The following PRKAR1B variants were observed in gnomAD, a reference collection of about 807,000 sequenced individuals.
PRKAR1B encodes the protein cAMP-dependent protein kinase type I-beta regulatory subunit.
A neutral mutation model predicts 46.5 loss-of-function variants in PRKAR1B; 22 were observed. The ratio of observed to expected loss-of-function variants is 0.47; its 90% confidence interval spans 0.34 to 0.68. PRKAR1B has a LOEUF of 0.68. PRKAR1B is among the 30% of genes least tolerant of loss of function. The probability of loss-of-function intolerance (pLI) is 0.01; values close to 1 mark genes in which losing one functional copy is unlikely to be tolerated. For synonymous variants in PRKAR1B, 259 were observed against 217.7 expected, an observed-to-expected ratio of 1.19 and a Z score of -1.67; for missense variants, 445 against 535.6, an observed-to-expected ratio of 0.83 and a Z score of 1.67.
chr7:723,299 T>C (rs950413824), intron 1 of PRKAR1B, among the ~76,000 whole-genome samples: 1 of 152,148 alleles, frequency 6.6e-6, no homozygotes, highest in African/African-American at 2.4e-5. Context: ...CTGTTGGGCG[T>C]CCCCTTTCCC....
intron 7 of PRKAR1B, among the ~76,000 whole-genome samples, chr7:591,310 G>T (rs771230475): frequency 2.5e-4 from 38 of 152,380 alleles, no homozygotes; most frequent in Non-Finnish European, 4.1e-4. Context: ...TGGGGGCTCT[G>T]CAGTGTGTCT....
intron 4 of PRKAR1B, among the ~76,000 whole-genome samples, chr7:619,992 A>G (rs995766168): frequency 2.7e-5 from 4 of 149,310 alleles, no homozygotes. Flanking sequence ...CTGGGCCTAC[A>G]GGCACATGCC....
chr7:721,164 G>A (rs1181656176), intron 1 of PRKAR1B, among the ~76,000 whole-genome samples: 3 of 152,126 alleles, frequency 2.0e-5, no homozygotes, highest in East Asian at 3.8e-4. Context: ...CCTTCTCACT[G>A]TTAAATACCT....
At chr7:675,802 C>T (rs1388455698) in intron 4 of PRKAR1B, among the ~76,000 whole-genome samples, 4 of 152,152 alleles carry the variant, frequency 2.6e-5, no homozygotes, top group South Asian at 2.1e-4. Context: ...AAAAATTAGC[C>T]GGGCGTGGTG....
Position 680,716 on chromosome 7 carries a change from C to A in PRKAR1B, c.188G>T (p.Arg63Met). Residue 63 changes from arginine (R) to methionine (M), a missense_variant, in exon 3 of 11, where the codon AGG becomes ATG. Coordinates refer to ENST00000537384, the MANE Select transcript of PRKAR1B (RefSeq NM_001164760.2). ...TGACTTTTGCCGCGCCAAAATCTGCCTGTTTTCTTCCTGTGTGGGAGAGGA... is the reference window on the plus strand; with the variant it reads ...TGACTTTTGCCGCGCCAAAATCTGCATGTTTTCTTCCTGTGTGGGAGAGGA... ...HFEKLEKEEN[R>M]QILARQKSNS... is the part of the protein sequence containing the mutation. 6.2e-7 allele frequency: 1 copy of A among 1,613,994 alleles called. No homozygotes were observed. Among genetic ancestry groups the A allele is most frequent in the Non-Finnish European group, 8.5e-7 (1 of 1,179,998 alleles).
At chr7:565,055 T>A (rs1779046590) in intron 9 of PRKAR1B, 1 of 151,942 alleles carries the variant, frequency 6.6e-6, no homozygotes, top group African/African-American at 2.4e-5. Context: ...CAGCCAGGAG[T>A]GGAAGGAGGG....
chr7:640,217 C>A (rs571732712), intron 4 of PRKAR1B, among the ~76,000 whole-genome samples: 2 of 151,490 alleles, frequency 1.3e-5, no homozygotes, highest in South Asian at 4.2e-4. Context: ...TTTTGCACTT[C>A]AAAAAACACC....
intron 2 of PRKAR1B, among the ~76,000 whole-genome samples, chr7:706,965 G>T (rs113538385): frequency 1.3e-5 from 2 of 152,338 alleles, no homozygotes; most frequent in African/African-American, 4.8e-5. Flanking sequence ...TGGCCTCGAG[G>T]GGGTGGCCCA....
intron 2 of PRKAR1B, among the ~76,000 whole-genome samples, chr7:710,872 G>C (rs1316605559): frequency 6.6e-6 from 1 of 152,062 alleles, no homozygotes; most frequent in Admixed American, 6.5e-5. Flanking sequence ...TCGAACTCCT[G>C]ACCTCAAGTG....
At chr7:561,449 C>A (rs572618844) in intron 9 of PRKAR1B, among the ~76,000 whole-genome samples, 1 of 152,352 alleles carries the variant, frequency 6.6e-6, no homozygotes, top group South Asian at 2.1e-4. Flanking sequence ...TCACCTGAAG[C>A]TCCCTTCCAC....
intron 6 of PRKAR1B, among the ~76,000 whole-genome samples, chr7:599,296 TTCTC>T (rs199771799): frequency 0.061 from 9,261 of 151,646 alleles, 463 homozygotes; most frequent in South Asian, 0.22. Flanking sequence ...TTTTTTTGTT[TTCTC>T]TCTTTTTTTT....
chr7:713,686 C>A (rs1780772396), intron 1 of PRKAR1B, among the ~76,000 whole-genome samples: 1 of 152,204 alleles, frequency 6.6e-6, no homozygotes, highest in South Asian at 2.1e-4. Context: ...TCCACACTCA[C>A]CTGTCCAGCT....
At chr7:642,761 ACT>A (rs958459681) in intron 4 of PRKAR1B, among the ~76,000 whole-genome samples, 5 of 150,370 alleles carry the variant, frequency 3.3e-5, no homozygotes, top group African/African-American at 1.2e-4. Context: ...AAAGAAACAA[ACT>A]CTGCCCCCTG....
At chr7:683,673 C>G (rs1229108698) in intron 2 of PRKAR1B, among the ~76,000 whole-genome samples, 1 of 152,224 alleles carries the variant, frequency 6.6e-6, no homozygotes, top group Non-Finnish European at 1.5e-5. Flanking sequence ...GGCCGGCACC[C>G]ACATGGAGCA....
At chr7:600,737 G>A (rs973558008) in intron 6 of PRKAR1B, among the ~76,000 whole-genome samples, 2 of 152,162 alleles carry the variant, frequency 1.3e-5, no homozygotes, top group Admixed American at 6.6e-5. Flanking sequence ...AGAGGGAGTC[G>A]GGATAACGGG....
At chr7:725,845 C>T (rs1251137911) in intron 1 of PRKAR1B, among the ~76,000 whole-genome samples, 1 of 152,168 alleles carries the variant, frequency 6.6e-6, no homozygotes, top group Non-Finnish European at 1.5e-5. Flanking sequence ...CACCAGGTGC[C>T]ACCACCCACA....
At chr7:691,728 A>G in intron 2 of PRKAR1B, 1 of 1,242,800 alleles carries the variant, frequency 8.0e-7, no homozygotes, top group Non-Finnish European at 1.0e-6. Context: ...AACCCCGGGG[A>G]GGGGAATCCA....
At chr7:579,221 A>G in intron 9 of PRKAR1B, 35 bp downstream of exon 9, 2 of 1,613,754 alleles carry the variant, frequency 1.2e-6, no homozygotes, top group Non-Finnish European at 8.5e-7. Context: ...GCCCCAGTGC[A>G]CACCCAGAGC....
intron 1 of PRKAR1B, among the ~76,000 whole-genome samples, chr7:720,493 A>G (rs539692677): frequency 1.3e-5 from 2 of 152,356 alleles, no homozygotes; most frequent in South Asian, 2.1e-4. Flanking sequence ...GCAAACGTCA[A>G]TTAGATCCTG....
Sources: gnomAD v4.1 joint callset for allele counts (sites outside exome capture counted in the v4.1 genomes callset) on GRCh38, gnomAD v4.1.1 for gene constraint, MANE v1.5 for transcripts, NCBI Gene and HGNC (gene_info 2026-07-23, HGNC 2026-07-21) for gene names.